The following WDFY3 variants were observed in gnomAD, a reference collection of about 807,000 sequenced individuals.
WDFY3 encodes WD repeat and FYVE domain-containing protein 3.
A neutral mutation model predicts 409.6 loss-of-function variants in WDFY3; 66 were observed. That is an observed-to-expected ratio of 0.16 (90% CI 0.13 to 0.20). The LOEUF is 0.20. Ranked by LOEUF, WDFY3 falls within the 10% of genes least tolerant of loss-of-function variation. The pLI is 1.00. For missense variants in WDFY3, 3,031 were observed against 4,298.1 expected, an observed-to-expected ratio of 0.71 and a Z score of 8.24; for synonymous variants, 1,521 against 1,537.1, an observed-to-expected ratio of 0.99 and a Z score of 0.25.
intron 59 of WDFY3, 68 bp from the exon 60 acceptor site, chr4:84,691,853 T>G: frequency 7.1e-7 from 1 of 1,399,166 alleles, no homozygotes; most frequent in Non-Finnish European, 9.7e-7. Flanking sequence ...TCATAGAGCA[T>G]GATAATTTCA....
chr4:84,921,928 C>A (rs1579137482), intron 2 of WDFY3, among the ~76,000 whole-genome samples: 1 of 151,724 alleles, frequency 6.6e-6, no homozygotes, highest in Non-Finnish European at 1.5e-5. Flanking sequence ...GTGCTGGGAT[C>A]ACAGACATGA....
intron 2 of WDFY3, among the ~76,000 whole-genome samples, chr4:84,912,818 G>C (rs2150759026): frequency 6.6e-6 from 1 of 152,264 alleles, no homozygotes; most frequent in East Asian, 1.9e-4. Flanking sequence ...GGATTTAAGG[G>C]TATAAAGGGA....
intron 2 of WDFY3, among the ~76,000 whole-genome samples, chr4:84,914,694 G>C (rs1579106038): frequency 6.6e-6 from 1 of 152,162 alleles, no homozygotes. Flanking sequence ...AATAACAAGT[G>C]CTAGTAAGTA....
chr4:84,914,162 C>T (rs540075594), intron 2 of WDFY3, among the ~76,000 whole-genome samples: 135 of 152,232 alleles, frequency 8.9e-4, no homozygotes, highest in African/African-American at 3.1e-3. Flanking sequence ...TGGTTCACAC[C>T]TGTAATCCCA....
chr4:84,678,053 CAT>C, intron 66 of WDFY3, 113 bp downstream of exon 66: 2 of 614,188 alleles, frequency 3.3e-6, no homozygotes, highest in South Asian at 1.7e-5. Flanking sequence ...CTTTGAGCTA[CAT>C]ACGATAATAC....
intron 1 of WDFY3, among the ~76,000 whole-genome samples, chr4:84,947,608 A>G (rs1287334161): frequency 1.4e-5 from 2 of 147,682 alleles, no homozygotes; most frequent in Non-Finnish European, 3.0e-5. Flanking sequence ...AGTGGCTCAC[A>G]CGTGTAAACC....
In WDFY3 at chr4:84,684,136, A is replaced by G. The variant is rs1426004533; in HGVS notation, c.9544-11T>C. 1 of 1,533,906 alleles carries G rather than the reference A, an allele frequency of 6.5e-7. No homozygotes were observed. Among genetic ancestry groups the G allele is most frequent in the Non-Finnish European group, 8.9e-7 (1 of 1,127,764 alleles). On this transcript the variant is annotated splice_polypyrimidine_tract_variant and intron_variant, in intron 62 of 67. Coordinates refer to ENST00000295888, the MANE Select transcript of WDFY3 (RefSeq NM_014991.6). ...GGACACAATGTCCCCCTGAGAAGAG[A>G]GAGAAAAACGTCATTCTCTTTGCTC...
chr4:84,684,131 AAG>A lies in WDFY3; in HGVS notation c.9544-8_9544-7del, dbSNP rs1199818328. 1 of 1,537,298 alleles carries A rather than the reference AAG, an allele frequency of 6.5e-7. No individual in the cohort carries two copies. Among genetic ancestry groups the A allele is most frequent in the South Asian group, 1.2e-5 (1 of 82,784 alleles). ...GCGCAGGACACAATGTCCCCCTGAG[AAG>A]AGAGAGAAAAACGTCATTCTCTTTG... is the stretch of plus-strand genomic sequence containing the variant. On this transcript the variant is annotated splice_region_variant and splice_polypyrimidine_tract_variant and intron_variant, in intron 62 of 67. Coordinates refer to ENST00000295888, the MANE Select transcript of WDFY3 (RefSeq NM_014991.6).
intron 7 of WDFY3, among the ~76,000 whole-genome samples, chr4:84,835,798 C>G (rs1756489992): frequency 6.6e-6 from 1 of 152,148 alleles, no homozygotes; most frequent in Non-Finnish European, 1.5e-5. Flanking sequence ...GCTTCCTACT[C>G]TCAGTAGTGG....
intron 30 of WDFY3, among the ~76,000 whole-genome samples, chr4:84,769,668 C>T (rs530095102): frequency 2.6e-5 from 4 of 152,162 alleles, no homozygotes; most frequent in East Asian, 1.9e-4. Flanking sequence ...GTGATCCACC[C>T]GCCTTGGCCT....
chr4:84,807,764 TG>T (rs1751754891), intron 15 of WDFY3, among the ~76,000 whole-genome samples: 1 of 152,156 alleles, frequency 6.6e-6, no homozygotes, highest in Non-Finnish European at 1.5e-5. Context: ...TACAGAGCAC[TG>T]ATCAAAGTAA....
chr4:84,817,347 C>T (rs1013751933), intron 13 of WDFY3, 45 bp downstream of exon 13: 7 of 1,602,628 alleles, frequency 4.4e-6, no homozygotes, highest in Middle Eastern at 1.7e-4. Flanking sequence ...AAAATAACCA[C>T]AGATTTTAGT....
At chr4:84,953,209 CACTT>C (rs1019433889) in intron 1 of WDFY3, among the ~76,000 whole-genome samples, 1 of 150,482 alleles carries the variant, frequency 6.6e-6, no homozygotes, top group African/African-American at 2.4e-5. Context: ...TGCATGATCT[CACTT>C]ATTATCTGGT....
In WDFY3 at chr4:84,757,124, C is replaced by T. The variant is rs138669116; in HGVS notation, c.5226G>A (p.Thr1742=). The change falls in exon 33 of 68, where the codon ACG becomes ACA. Residue 1742 remains threonine (T), a synonymous_variant. Transcript: ENST00000295888. ...NVGRSAGGRS[T]VREINRDACH... Reference sequence around the variant, plus strand: ...AAGCATCTCGGTTAATCTCCCTGACCGTCGATCTCCCACCAGCACTTCTGC... The same window carrying T: ...AAGCATCTCGGTTAATCTCCCTGACTGTCGATCTCCCACCAGCACTTCTGC... 25 of 1,613,874 alleles carry T rather than the reference C, an allele frequency of 1.5e-5. No homozygotes were observed. In the African/African-American group the frequency reaches 1.7e-4, roughly 11 times the overall value.
At chr4:84,796,046 A>G (rs183423127) in intron 19 of WDFY3, among the ~76,000 whole-genome samples, 38 of 151,854 alleles carry the variant, frequency 2.5e-4, no homozygotes, top group Middle Eastern at 6.8e-3. Flanking sequence ...TTTAATTTAT[A>G]TATTATCTAT....
chr4:84,810,934 C>CATG (rs10672333), intron 13 of WDFY3, among the ~76,000 whole-genome samples: 142,031 of 152,160 alleles, frequency 0.93, 67,112 homozygotes, highest in East Asian at 1. Flanking sequence ...AAAAAGAAAA[C>CATG]AAGTAAATAA....
intron 11 of WDFY3, 79 bp from the exon 12 acceptor site, chr4:84,820,265 C>A (rs929130813): frequency 2.0e-5 from 23 of 1,178,442 alleles, no homozygotes; most frequent in African/African-American, 6.2e-5. Flanking sequence ...GTAATAATTT[C>A]TTTATTTCTT....
intron 32 of WDFY3, among the ~76,000 whole-genome samples, chr4:84,763,311 A>AT (rs1306848794): frequency 6.6e-6 from 1 of 152,036 alleles, no homozygotes; most frequent in Non-Finnish European, 1.5e-5. Flanking sequence ...GTTCTCACTC[A>AT]TAAGTGGGAG....
At chr4:84,739,215 C>T in intron 39 of WDFY3, 96 bp from the exon 40 acceptor site, 2 of 1,204,886 alleles carry the variant, frequency 1.7e-6, no homozygotes, top group African/African-American at 1.5e-5. Flanking sequence ...CCAGCAGACA[C>T]TGAATGTCTA....
Sources: allele counts gnomAD v4.1 joint callset (sites outside exome capture counted in the v4.1 genomes callset), GRCh38; gene constraint gnomAD v4.1.1; transcripts MANE v1.5; gene names NCBI Gene and HGNC (gene_info 2026-07-23, HGNC 2026-07-21).